The following RBM14 variants were observed in gnomAD, a reference collection of about 807,000 sequenced individuals.
RBM14 encodes the protein RNA-binding protein 14.
Under a neutral mutation model 52.8 loss-of-function variants are expected in RBM14, and 5 were observed. The ratio of observed to expected loss-of-function variants is 0.09; its 90% CI spans 0.05 to 0.20. The LOEUF (loss-of-function observed/expected upper bound fraction) is 0.20, where lower values mean the gene tolerates loss of function less well. RBM14 is among the 10% of genes least tolerant of loss of function. RBM14 has a pLI of 1.00. For missense variants in RBM14, 780 were observed against 926.6 expected (o/e 0.84, Z 2.05); for synonymous variants, 411 against 401.8 (o/e 1.02, Z -0.28).
In RBM14 at chr11:66,629,145, G is replaced by T. The variant is rs1937943029; in HGVS notation, c.*2477G>T. 6.6e-6 allele frequency among the ~76,000 whole-genome samples: 1 copy of T among 152,164 alleles called. No individual in the cohort carries two copies. The highest frequency in any genetic ancestry group is 2.4e-5 in the African/African-American group (1 of 41,438). Reference sequence around the variant, plus strand: ...TGTTAATCCTATAGCCTGCTTCTTTGCTTTGTGGATTACTGATTTCAAGTT... The same window carrying T: ...TGTTAATCCTATAGCCTGCTTCTTTTCTTTGTGGATTACTGATTTCAAGTT... On this transcript the variant is annotated 3_prime_UTR_variant, in exon 3 of 3. Coordinates refer to ENST00000310137, the MANE Select transcript of RBM14 (RefSeq NM_006328.4).
chr11:66,625,580 C>T lies in RBM14; in HGVS notation c.1704C>T (p.Asn568=). 1.9e-6 allele frequency: 3 copies of T among 1,611,804 alleles called. No homozygotes were observed. Among genetic ancestry groups the T allele is most frequent in the Non-Finnish European group, 2.5e-6 (3 of 1,179,752 alleles). The change falls in exon 2 of 3, where the codon AAC becomes AAT. Residue 568 remains asparagine, a synonymous_variant. Transcript: ENST00000310137. The surrounding 1 kb of genome is among the most constrained non-coding windows in gnomAD (Gnocchi z 4.2). The stretch of plus-strand genomic sequence containing the variant: ...CCATGTCCCAGGGGGCCGTTGCCAA[C>T]GCCAACAGCACCCCGCCGCCCTATG... ...YLSMSQGAVA[N]ANSTPPPYER...
Position 66,624,974 on chromosome 11 carries a change from C to T in RBM14, c.1098C>T (p.Asn366=). ...TTCGTGCAGCTGCTTCTTCCTACAA[C>T]ACCCAGGGAGCAGCTTCCTCCTTAG... is the stretch of plus-strand genomic sequence containing the variant. ...YGVRAAASSY[N]TQGAASSLGS... The change falls in exon 2 of 3, where the codon AAC becomes AAT. Residue 366 remains asparagine, a synonymous_variant. Coordinates refer to ENST00000310137, the MANE Select transcript of RBM14 (RefSeq NM_006328.4). The surrounding 1 kb of genome is among the most constrained non-coding windows in gnomAD (Gnocchi z 4.7). 1 of 1,614,004 alleles carries T rather than the reference C, an allele frequency of 6.2e-7. No homozygotes were observed. Among genetic ancestry groups the T allele is most frequent in the South Asian group, 1.1e-5 (1 of 91,074 alleles).
rs1340177338 is a variant in RBM14, at chr11:66,624,066, A to T, written c.338-148A>T. ...AGAAGCTTTGTTATATGGGAGCTACATTTTATGACATACTCCTGGAGAGGA... is the reference window on the plus strand; with the variant it reads ...AGAAGCTTTGTTATATGGGAGCTACTTTTTATGACATACTCCTGGAGAGGA... On this transcript the variant is annotated intron_variant, in intron 1 of 2. Coordinates refer to ENST00000310137, the MANE Select transcript of RBM14 (RefSeq NM_006328.4). This position sits in a 1 kb window ranked among gnomAD's most constrained non-coding sequence, Gnocchi z 4.7. The T allele has an allele frequency of 1.5e-5, 21 of 1,362,522 alleles. No homozygotes were observed. In the Admixed American group the frequency reaches 4.0e-4, roughly 26 times the overall value. The allele number at this position is 1,362,522 out of a possible 1,614,324, so 84.4% of individuals were successfully genotyped here.
chr11:66,625,483 C>T lies in RBM14; in HGVS notation c.1607C>T (p.Ala536Val). Residue 536 changes from alanine to valine, a missense_variant, in exon 2 of 3, where the codon GCT becomes GTT. Physicochemically the swap from Ala to Val is moderately conservative, Grantham distance 64. Around this residue, in one of 4 missense-constraint regions of RBM14, gnomAD observed 675 missense variants for 697.3 expected, o/e 0.97. Coordinates refer to ENST00000310137, the MANE Select transcript of RBM14 (RefSeq NM_006328.4). The surrounding 1 kb of genome is among the most constrained non-coding windows in gnomAD (Gnocchi z 4.2). ...TATGCTGCCCAGCAGCATCCCCAGGCTGCTGCCTCCTACCGCGGCCAGCCA... is the reference window on the plus strand; with the variant it reads ...TATGCTGCCCAGCAGCATCCCCAGGTTGCTGCCTCCTACCGCGGCCAGCCA... ...ASYAAQQHPQ[A>V]AASYRGQPGN... 6.2e-7 allele frequency: 1 copy of T among 1,613,182 alleles called. No homozygotes were observed. The highest frequency in any genetic ancestry group is 8.5e-7 in the Non-Finnish European group (1 of 1,179,698).
intron 1 of RBM14, chr11:66,618,435 C>A: frequency 1.4e-6 from 1 of 714,936 alleles, no homozygotes; most frequent in South Asian, 1.5e-5. Flanking sequence ...GTCATAGTGT[C>A]CACTACTAGG....
At chr11:66,622,747 C>T (rs1394916388) in intron 1 of RBM14, among the ~76,000 whole-genome samples, 1 of 152,138 alleles carries the variant, frequency 6.6e-6, no homozygotes, top group Non-Finnish European at 1.5e-5. Context: ...CATCCCAGTA[C>T]GAAAGTTTCT....
At chr11:66,617,410 G>C in intron 1 of RBM14, 1 of 1,103,800 alleles carries the variant, frequency 9.1e-7, no homozygotes, top group Non-Finnish European at 1.1e-6. Flanking sequence ...GCACAAGCCG[G>C]ATCATGAAGC....
At position 66,626,941 on chromosome 11, in the gene RBM14, T is replaced by C; in HGVS notation, c.*273T>C. On this transcript the variant is annotated 3_prime_UTR_variant, in exon 3 of 3. Coordinates refer to ENST00000310137, the MANE Select transcript of RBM14 (RefSeq NM_006328.4). ...CGTCTCCCCAGAATGGGAATTTCTT[T>C]TATGTTTTTATTTTTTTCCTGGCTC... 1 of 351,806 alleles carries C rather than the reference T, an allele frequency of 2.8e-6. No homozygotes were observed. The highest frequency in any genetic ancestry group is 5.1e-6 in the Non-Finnish European group (1 of 196,076). The allele number at this position is 351,806 out of a possible 1,614,324, so 21.8% of individuals were successfully genotyped here. A position where few individuals can be genotyped will look rare whatever the true frequency, so the allele number is the denominator to read the frequency against.
In RBM14 at chr11:66,624,187, C is replaced by T; in HGVS notation, c.338-27C>T. 2 of 1,550,428 alleles carry T rather than the reference C, an allele frequency of 1.3e-6. No individual in the cohort carries two copies. Among genetic ancestry groups the T allele is most frequent in the Non-Finnish European group, 1.7e-6 (2 of 1,145,612 alleles). ...GTAGCATGCCCTGCCCCCCTAATTG[C>T]TAACCCTCTGTCTGCTGCTTTATCA... On this transcript the variant is annotated intron_variant, in intron 1 of 2. Coordinates refer to ENST00000310137, the MANE Select transcript of RBM14 (RefSeq NM_006328.4). This position sits in a 1 kb window ranked among gnomAD's most constrained non-coding sequence, Gnocchi z 4.7.
intron 1 of RBM14, among the ~76,000 whole-genome samples, chr11:66,619,710 G>T (rs945708832): frequency 6.6e-6 from 1 of 152,000 alleles, no homozygotes; most frequent in Non-Finnish European, 1.5e-5. Flanking sequence ...GGGACTACAG[G>T]CGCCCGCCAC....
intron 1 of RBM14, among the ~76,000 whole-genome samples, chr11:66,618,002 C>CT (rs1858919876): frequency 1.3e-5 from 2 of 152,206 alleles, no homozygotes; most frequent in Non-Finnish European, 2.9e-5. Context: ...CTTGAGTAGT[C>CT]TGATTCTCAG....
chr11:66,617,421 G>A, intron 1 of RBM14: 2 of 1,081,070 alleles, frequency 1.9e-6, no homozygotes, highest in Non-Finnish European at 2.3e-6. Flanking sequence ...ATCATGAAGC[G>A]GGGAAGATTT....
chr11:66,619,668 G>A (rs1003901967), intron 1 of RBM14, among the ~76,000 whole-genome samples: 9 of 151,508 alleles, frequency 5.9e-5, no homozygotes, highest in Non-Finnish European at 8.8e-5. Flanking sequence ...CTGGGTTCAC[G>A]CCATTCTCCT....
At position 66,624,093 on chromosome 11, in the gene RBM14, G is replaced by T; in HGVS notation, c.338-121G>T. 6.7e-7 allele frequency: 1 copy of T among 1,501,116 alleles called. No individual in the cohort carries two copies. Among genetic ancestry groups the T allele is most frequent in the South Asian group, 1.2e-5 (1 of 80,010 alleles). 93.0% of individuals were successfully genotyped at this position (1,501,116 alleles called of 1,614,324 possible). On this transcript the variant is annotated intron_variant, in intron 1 of 2. Coordinates refer to ENST00000310137, the MANE Select transcript of RBM14 (RefSeq NM_006328.4). The surrounding 1 kb of genome is among the most constrained non-coding windows in gnomAD (Gnocchi z 4.7). ...TTTATGACATACTCCTGGAGAGGAG[G>T]GTTTGGAGGCCTTGGAGGTAGCTGG... is the stretch of plus-strand genomic sequence containing the variant.
intron 1 of RBM14, chr11:66,623,753 G>A (rs1442628068): frequency 1.2e-5 from 8 of 641,066 alleles, no homozygotes; most frequent in East Asian, 8.2e-5. Flanking sequence ...ATACCAAAAC[G>A]TGAGTGGTCA....
At chr11:66,617,128 C>T (rs541509776) in intron 1 of RBM14, 71 bp downstream of exon 1, 4 of 1,513,376 alleles carry the variant, frequency 2.6e-6, no homozygotes, top group African/African-American at 2.8e-5. Context: ...GCCCCTTACC[C>T]GGGGGTCGGT....
chr11:66,617,048 G>T lies in RBM14; in HGVS notation c.328G>T (p.Val110Leu). Residue 110 changes from valine (V) to leucine (L), a missense_variant, in exon 1 of 3, where the codon GTG (valine) becomes TTG (leucine). By Grantham distance (32) the Val-to-Leu change is conservative (BLOSUM62 1). Transcript: ENST00000310137. ...CCGCGGACGCGTCATCGAGTGTGAC[G>T]TGGTGAAAGGTAACGCGGAGGCGCG... Reference protein sequence around the residue: ...ERRGRVIECDVVKDYAFVHME... With the variant: ...ERRGRVIECDLVKDYAFVHME... The T allele has an allele frequency of 6.3e-7, 1 of 1,584,906 alleles. No homozygotes were observed. The highest frequency in any genetic ancestry group is 8.6e-7 in the Non-Finnish European group (1 of 1,162,440).
At chr11:66,621,305 C>T (rs145952431) in intron 1 of RBM14, among the ~76,000 whole-genome samples, 2 of 152,070 alleles carry the variant, frequency 1.3e-5, no homozygotes, top group African/African-American at 4.8e-5. Flanking sequence ...AAAGGAAACA[C>T]GTAGCTTTTC....
intron 1 of RBM14, among the ~76,000 whole-genome samples, chr11:66,621,339 C>T (rs190679485): frequency 6.6e-6 from 1 of 152,142 alleles, no homozygotes; most frequent in Admixed American, 6.5e-5. Context: ...AAGGCTCTGG[C>T]CATGGGAGTG....
Sources: allele counts gnomAD v4.1 joint callset (sites outside exome capture counted in the v4.1 genomes callset), GRCh38; gene constraint gnomAD v4.1.1; regional missense constraint gnomAD v4.1.1; non-coding constraint Gnocchi (gnomAD v3.1); transcripts MANE v1.5; gene names NCBI Gene and HGNC (gene_info 2026-07-23, HGNC 2026-07-21).